The following AR variants were observed in gnomAD, a reference collection of about 807,000 sequenced individuals.
AR encodes dihydrotestosterone receptor.
AR carries 8 observed loss-of-function variants against 53.9 expected under a neutral mutation model. The ratio of observed to expected loss-of-function variants is 0.15; its 90% CI spans 0.09 to 0.27. AR has a LOEUF of 0.27. Ranked by LOEUF, AR falls within the 10% of genes least tolerant of loss-of-function variation. The pLI is 1.00. For missense variants in AR, 639 were observed against 742.5 expected, an observed-to-expected ratio of 0.86 and a Z score of 1.62; for synonymous variants, 359 against 316.4, an observed-to-expected ratio of 1.13 and a Z score of -1.43.
In AR at chrX:67,717,536, G is replaced by T. The variant is rs2076118603; in HGVS notation, c.2232G>T (p.Gly744=). 2 of 1,211,869 alleles carry T rather than the reference G, an allele frequency of 1.7e-6. No individual in the cohort carries two copies. Among genetic ancestry groups the T allele is most frequent in the Non-Finnish European group, 2.2e-6 (2 of 895,382 alleles). Residue 744 remains glycine (G), a synonymous_variant, in exon 5 of 8, where the codon GGG becomes GGT. Transcript: ENST00000374690. Reference sequence around the variant, plus strand: ...CTGTCATTCAGTACTCCTGGATGGGGCTCATGGTGTTTGCCATGGGCTGGC... The same window carrying T: ...CTGTCATTCAGTACTCCTGGATGGGTCTCATGGTGTTTGCCATGGGCTGGC... ...QMAVIQYSWM[G]LMVFAMGWRS...
At chrX:67,720,862 ACAAT>A (rs771602441) in intron 5 of AR, among the ~76,000 whole-genome samples, 7 of 106,561 alleles carry the variant, frequency 6.6e-5, no homozygotes, top group Non-Finnish European at 1.2e-4. Context: ...CACACGCTGC[ACAAT>A]CAATTTCTGT....
At chrX:67,628,112 G>C (rs1389526691) in intron 1 of AR, among the ~76,000 whole-genome samples, 4 of 110,949 alleles carry the variant, frequency 3.6e-5, no homozygotes, top group African/African-American at 1.3e-4. Context: ...ATTGACTTGG[G>C]GATGTGGGCT....
chrX:67,687,701 T>C (rs2075974512), intron 3 of AR, among the ~76,000 whole-genome samples: 1 of 112,139 alleles, frequency 8.9e-6, no homozygotes, highest in South Asian at 3.7e-4. Flanking sequence ...CACTCAACTG[T>C]CAATTATTTA....
chrX:67,613,308 G>A (rs1277863179), intron 1 of AR, among the ~76,000 whole-genome samples: 2 of 111,776 alleles, frequency 1.8e-5, no homozygotes, highest in Admixed American at 9.5e-5. Context: ...CTGTCCCAGG[G>A]AAAGGCAGGT....
At chrX:67,614,804 C>A (rs1924038572) in intron 1 of AR, among the ~76,000 whole-genome samples, 1 of 110,150 alleles carries the variant, frequency 9.1e-6, no homozygotes. Context: ...TAAATATATT[C>A]AAAGAACTGA....
intron 1 of AR, among the ~76,000 whole-genome samples, chrX:67,584,231 G>A (rs1922424289): frequency 8.9e-6 from 1 of 111,844 alleles, no homozygotes; most frequent in Non-Finnish European, 1.9e-5. Flanking sequence ...CACATTCATT[G>A]ACCCAGGGGA....
At chrX:67,710,723 C>T (rs766301344) in intron 3 of AR, among the ~76,000 whole-genome samples, 6 of 111,887 alleles carry the variant, frequency 5.4e-5, no homozygotes, top group African/African-American at 9.8e-5. Flanking sequence ...ATATATGCAA[C>T]ATATGTTTCA....
At chrX:67,591,528 G>T (rs1922830159) in intron 1 of AR, among the ~76,000 whole-genome samples, 1 of 111,471 alleles carries the variant, frequency 9.0e-6, no homozygotes, top group Non-Finnish European at 1.9e-5. Flanking sequence ...CTTTAAGATG[G>T]GCTTGGGTGG....
intron 4 of AR, among the ~76,000 whole-genome samples, chrX:67,714,354 C>A (rs2076104628): frequency 8.9e-6 from 1 of 111,918 alleles, no homozygotes; most frequent in Non-Finnish European, 1.9e-5. Flanking sequence ...ATAGTCAATG[C>A]TCTGTAAATG....
At chrX:67,668,293 A>G (rs191436498) in intron 2 of AR, among the ~76,000 whole-genome samples, 5 of 112,006 alleles carry the variant, frequency 4.5e-5, no homozygotes, top group African/African-American at 1.6e-4. Flanking sequence ...ACTTTATCAA[A>G]TGCTTTTCAT....
intron 2 of AR, among the ~76,000 whole-genome samples, chrX:67,683,781 G>T (rs184386779): frequency 5.6e-4 from 62 of 111,325 alleles, no homozygotes; most frequent in African/African-American, 1.7e-3. Context: ...AAATTGTAAA[G>T]AATATCTACG....
At chrX:67,555,965 T>G (rs891978196) in intron 1 of AR, among the ~76,000 whole-genome samples, 2 of 112,564 alleles carry the variant, frequency 1.8e-5, no homozygotes, top group Non-Finnish European at 3.8e-5. Context: ...TTTCTCGAAG[T>G]GGCAAGCATT....
intron 1 of AR, among the ~76,000 whole-genome samples, chrX:67,590,438 C>A (rs145803289): frequency 0.02 from 2,187 of 111,716 alleles, 46 homozygotes; most frequent in African/African-American, 0.068. Flanking sequence ...CTTGGATTTT[C>A]TTCATCTTTA....
chrX:67,701,867 G>A (rs1204284962), intron 3 of AR, among the ~76,000 whole-genome samples: 1 of 112,228 alleles, frequency 8.9e-6, no homozygotes, highest in African/African-American at 3.2e-5. Context: ...TTGGGCAGAT[G>A]ACTGGAGTAT....
intron 6 of AR, 144 bp from the exon 7 acceptor site, chrX:67,722,683 C>T: frequency 2.9e-6 from 2 of 679,202 alleles, no homozygotes; most frequent in Non-Finnish European, 4.6e-6. Flanking sequence ...GCCCCAAGCA[C>T]ACAGACTTCA....
intron 2 of AR, among the ~76,000 whole-genome samples, chrX:67,683,612 T>C (rs2075949033): frequency 8.9e-6 from 1 of 112,809 alleles, no homozygotes; most frequent in South Asian, 3.6e-4. Context: ...CCCACTGCTC[T>C]TTCTCTCATC....
chrX:67,702,551 A>G (rs1289868661), intron 3 of AR, among the ~76,000 whole-genome samples: 2 of 111,925 alleles, frequency 1.8e-5, no homozygotes, highest in Non-Finnish European at 3.8e-5. Flanking sequence ...GGCTGTGCCA[A>G]AGCCCCGCAG....
chrX:67,549,947 CT>C (rs1304221926), intron 1 of AR, among the ~76,000 whole-genome samples: 1 of 112,051 alleles, frequency 8.9e-6, no homozygotes, highest in Non-Finnish European at 1.9e-5. Flanking sequence ...AACAGTTTGT[CT>C]TGTAAAGCAG....
chrX:67,581,955 G>A (rs1274358657), intron 1 of AR, among the ~76,000 whole-genome samples: 1 of 111,487 alleles, frequency 9.0e-6, no homozygotes. Flanking sequence ...TTGCCTTGGG[G>A]TTTGGACTAC....
Sources: gnomAD v4.1 joint callset for allele counts (sites outside exome capture counted in the v4.1 genomes callset) on GRCh38, gnomAD v4.1.1 for gene constraint, MANE v1.5 for transcripts, NCBI Gene and HGNC (gene_info 2026-07-23, HGNC 2026-07-21) for gene names.